Variants in PALS1 observed in about 807,000 individuals in gnomAD.
The protein encoded by PALS1 is protein PALS1.
A neutral mutation model predicts 78.9 loss-of-function variants in PALS1; 31 were observed. That is an observed-to-expected ratio of 0.39 (90% CI 0.30 to 0.53). PALS1 has a LOEUF of 0.53. PALS1 is among the 20% of genes least tolerant of loss of function. The pLI, the probability that PALS1 is intolerant of heterozygous loss-of-function variation, is 0.67. For missense variants in PALS1, 704 were observed against 826.5 expected (o/e 0.85, Z 1.82); for synonymous variants, 276 against 270.9 (o/e 1.02, Z -0.18).
intron 10 of PALS1, 31 bp downstream of exon 10, chr14:67,316,934 G>A (rs1490990500): frequency 2.6e-6 from 4 of 1,542,524 alleles, no homozygotes; most frequent in African/African-American, 2.7e-5. Flanking sequence ...ATAAGTAAAT[G>A]GTTTCTTGGG....
intron 8 of PALS1, among the ~76,000 whole-genome samples, chr14:67,306,096 A>G (rs2084997986): frequency 1.3e-5 from 2 of 152,112 alleles, no homozygotes; most frequent in African/African-American, 4.8e-5. Context: ...CAGCCTCCCT[A>G]GTAGCTGAGA....
chr14:67,262,738 T>C (rs2084258754), intron 1 of PALS1, among the ~76,000 whole-genome samples: 1 of 152,180 alleles, frequency 6.6e-6, no homozygotes, highest in Non-Finnish European at 1.5e-5. Context: ...TCAAACAATT[T>C]AGTGTAGCAT....
Position 67,317,402 on chromosome 14 carries a change from C to T in PALS1, c.1298-6C>T. ...ATTTATAGTTATGTTTATGATTGCT[C>T]AACAGGAAAACTGTGGTGTGCAAAG... On this transcript the variant is annotated splice_region_variant and splice_polypyrimidine_tract_variant and intron_variant, in intron 10 of 14. Coordinates refer to ENST00000261681, the MANE Select transcript of PALS1 (RefSeq NM_022474.4). 6.2e-7 allele frequency: 1 copy of T among 1,607,132 alleles called. No homozygotes were observed. Among genetic ancestry groups the T allele is most frequent in the East Asian group, 2.2e-5 (1 of 44,656 alleles).
intron 4 of PALS1, 82 bp from the exon 5 acceptor site, chr14:67,301,307 C>A: frequency 1.5e-6 from 1 of 668,098 alleles, no homozygotes; most frequent in Admixed American, 3.0e-5. Context: ...TTAATTTGTA[C>A]TTAAAAAATA....
At chr14:67,306,543 A>G (rs978110633) in intron 8 of PALS1, among the ~76,000 whole-genome samples, 4 of 149,038 alleles carry the variant, frequency 2.7e-5, no homozygotes, top group African/African-American at 9.9e-5. Context: ...GTGTTTGTGT[A>G]TTTTTAGTAG....
At position 67,332,177 on chromosome 14, in the gene PALS1, A is replaced by G. The variant is rs578180422; in HGVS notation, c.1852-603A>G. Among the ~76,000 whole-genome samples, 3 of 152,296 alleles carry G rather than the reference A, an allele frequency of 2.0e-5. No individual in the cohort carries two copies. In the South Asian group the frequency reaches 6.2e-4, roughly 32 times the overall value. On this transcript the variant is annotated intron_variant, in intron 14 of 14. Coordinates refer to ENST00000261681, the MANE Select transcript of PALS1 (RefSeq NM_022474.4). ...CTTTCTTGAACCCATGTGCCTGATA[A>G]TTAGAGGGTTCAGGATAAGTTTTGC...
intron 2 of PALS1, among the ~76,000 whole-genome samples, chr14:67,277,123 C>G (rs543420520): frequency 6.6e-6 from 1 of 152,280 alleles, no homozygotes; most frequent in East Asian, 1.9e-4. Flanking sequence ...ATTTAAAAAG[C>G]TGAATTTGCA....
chr14:67,318,509 C>T (rs1342003489), intron 11 of PALS1, among the ~76,000 whole-genome samples: 1 of 152,096 alleles, frequency 6.6e-6, no homozygotes, highest in East Asian at 1.9e-4. Flanking sequence ...AAATCTGAAC[C>T]TTATGGATAT....
chr14:67,294,191 A>C (rs1461522817), intron 4 of PALS1, among the ~76,000 whole-genome samples: 1 of 152,156 alleles, frequency 6.6e-6, no homozygotes, highest in Non-Finnish European at 1.5e-5. Flanking sequence ...ATTTTCTGAA[A>C]GTTTGCTTTC....
At chr14:67,300,703 TA>T (rs527260017) in intron 4 of PALS1, among the ~76,000 whole-genome samples, 9 of 152,196 alleles carry the variant, frequency 5.9e-5, no homozygotes, top group Admixed American at 2.6e-4. Context: ...GGAAACAGGC[TA>T]AAAAAATTTA....
intron 1 of PALS1, among the ~76,000 whole-genome samples, chr14:67,251,157 C>T (rs1184959758): frequency 6.6e-6 from 1 of 152,184 alleles, no homozygotes; most frequent in Non-Finnish European, 1.5e-5. Context: ...TATAGCCTGC[C>T]TTAAGACTTA....
chr14:67,298,383 C>A (rs1024906972), intron 4 of PALS1, among the ~76,000 whole-genome samples: 1 of 151,770 alleles, frequency 6.6e-6, no homozygotes, highest in African/African-American at 2.4e-5. Flanking sequence ...GGTGTGGTGG[C>A]GGGCACCTGT....
At chr14:67,317,365 T>C in intron 10 of PALS1, 43 bp from the exon 11 acceptor site, 1 of 1,492,544 alleles carries the variant, frequency 6.7e-7, no homozygotes, top group Non-Finnish European at 9.2e-7. Flanking sequence ...GTGGTTTTGT[T>C]CACGGGAACA....
At chr14:67,304,167 G>A (rs1288595291) in intron 8 of PALS1, 1 of 152,516 alleles carries the variant, frequency 6.6e-6, no homozygotes, top group Non-Finnish European at 1.5e-5. Context: ...ATGGAGTAGG[G>A]CAAGTGCTTT....
chr14:67,260,273 G>C (rs2084215673), intron 1 of PALS1, among the ~76,000 whole-genome samples: 1 of 152,140 alleles, frequency 6.6e-6, no homozygotes, highest in Non-Finnish European at 1.5e-5. Flanking sequence ...TCTGATCTTG[G>C]AAGCTAAGCA....
At chr14:67,280,637 G>T (rs2084588790) in intron 3 of PALS1, among the ~76,000 whole-genome samples, 1 of 152,246 alleles carries the variant, frequency 6.6e-6, no homozygotes, top group Non-Finnish European at 1.5e-5. Context: ...ACACAAAATG[G>T]TTTGAATGGA....
intron 1 of PALS1, among the ~76,000 whole-genome samples, chr14:67,248,969 AT>A (rs575347308): frequency 9.0e-5 from 13 of 143,672 alleles, no homozygotes; most frequent in African/African-American, 1.3e-4. Context: ...CTACATACCA[AT>A]TTTTTTTTTT....
At chr14:67,305,452 T>C (rs1214509745) in intron 8 of PALS1, among the ~76,000 whole-genome samples, 1 of 152,080 alleles carries the variant, frequency 6.6e-6, no homozygotes, top group Non-Finnish European at 1.5e-5. Flanking sequence ...GCTAATTTTT[T>C]TGTACTTTTG....
At position 67,305,382 on chromosome 14, in the gene PALS1, C is replaced by T. The variant is rs550624924; in HGVS notation, c.1041+1783C>T. On this transcript the variant is annotated intron_variant, in intron 8 of 14. Transcript: ENST00000261681. ...GCAGCCTTGACTGCCTGGGCTCAAG[C>T]AGTCCTCCTACCTCAGCCTCCCTAG... Among the ~76,000 whole-genome samples the T allele has an allele frequency of 5.3e-5, 8 of 152,196 alleles. No individual in the cohort carries two copies. In the South Asian group the frequency reaches 1.0e-3, roughly 20 times the overall value.
Sources: gnomAD v4.1 joint callset for allele counts (sites outside exome capture counted in the v4.1 genomes callset) on GRCh38, gnomAD v4.1.1 for gene constraint, MANE v1.5 for transcripts, NCBI Gene and HGNC (gene_info 2026-07-23, HGNC 2026-07-21) for gene names.